The following GALNT5 variants were observed in gnomAD, a reference collection of about 807,000 sequenced individuals.
The protein encoded by GALNT5 is polypeptide N-acetylgalactosaminyltransferase 5, also known as UDP-GalNAc:polypeptide N-acetylgalactosaminyltransferase 5.
GALNT5 carries 72 observed loss-of-function variants against 85.4 expected under a neutral mutation model. That is an observed-to-expected ratio of 0.84 (90% CI 0.70 to 1.03). The LOEUF (loss-of-function observed/expected upper bound fraction) is 1.03. Ranked by LOEUF, GALNT5 falls within the 50% of genes least tolerant of loss-of-function variation. GALNT5 has a pLI of 0.00. For synonymous variants in GALNT5, 404 were observed against 397.0 expected (o/e 1.02, Z -0.21); for missense variants, 1,137 against 1,135.5 (o/e 1.00, Z -0.02).
At chr2:157,262,556 T>C (rs1682366667) in intron 1 of GALNT5, among the ~76,000 whole-genome samples, 1 of 148,394 alleles carries the variant, frequency 6.7e-6, no homozygotes, top group Non-Finnish European at 1.5e-5. Context: ...GAGGATCACT[T>C]GAGCCTGAGC....
At chr2:157,286,201 C>T in intron 3 of GALNT5, 67 bp downstream of exon 3, 6 of 1,338,332 alleles carry the variant, frequency 4.5e-6, no homozygotes, top group Admixed American at 3.6e-5. Flanking sequence ...CTCAAACATA[C>T]AGCAAATGTG....
At chr2:157,298,015 G>C (rs1683253330) in intron 5 of GALNT5, among the ~76,000 whole-genome samples, 2 of 152,084 alleles carry the variant, frequency 1.3e-5, no homozygotes. Flanking sequence ...CTGCTACTTC[G>C]ATTGTTTTAA....
intron 5 of GALNT5, 78 bp downstream of exon 5, chr2:157,296,591 TG>T: frequency 9.5e-7 from 1 of 1,050,422 alleles, no homozygotes; most frequent in Non-Finnish European, 1.4e-6. Context: ...ACAAAACAGC[TG>T]TATCTTGTTA....
chr2:157,258,013 A>T lies in GALNT5; in HGVS notation c.-70A>T. On this transcript the variant is annotated 5_prime_UTR_variant, in exon 1 of 10. Coordinates refer to ENST00000259056, the MANE Select transcript of GALNT5 (RefSeq NM_014568.3). ...TGCTGCTGCTGCTGCTGCTGCTGCT[A>T]CTTCAGCTTCCTCTCCACTCAAGGT... The T allele has an allele frequency of 7.2e-7, 1 of 1,392,566 alleles. No individual in the cohort carries two copies. Among genetic ancestry groups the T allele is most frequent in the Non-Finnish European group, 9.8e-7 (1 of 1,018,558 alleles). 86.3% of individuals were successfully genotyped at this position (1,392,566 alleles called of 1,614,324 possible).
chr2:157,290,201 C>T (rs187644455), intron 3 of GALNT5, among the ~76,000 whole-genome samples: 41 of 151,286 alleles, frequency 2.7e-4, no homozygotes, highest in African/African-American at 7.5e-4. Flanking sequence ...ATAAATTTGA[C>T]AAATTGCTAT....
chr2:157,296,653 AAC>A (rs1453998951), intron 5 of GALNT5, 140 bp downstream of exon 5: 1 of 648,610 alleles, frequency 1.5e-6, no homozygotes. Context: ...TACCAAAGCA[AAC>A]ACAGTGTTCT....
chr2:157,278,748 A>T (rs533077818), intron 1 of GALNT5, among the ~76,000 whole-genome samples: 2 of 152,068 alleles, frequency 1.3e-5, no homozygotes, highest in African/African-American at 4.8e-5. Flanking sequence ...CTTCCTTTTG[A>T]TGGGTTTAAA....
chr2:157,315,869 A>G lies in GALNT5; in HGVS notation c.*4521A>G, dbSNP rs1683690852. Among the ~76,000 whole-genome samples, 1 of 152,168 alleles carries G rather than the reference A, an allele frequency of 6.6e-6. No individual in the cohort carries two copies. The highest frequency in any genetic ancestry group is 1.5e-5 in the Non-Finnish European group (1 of 68,042). Reference sequence around the variant, plus strand: ...TAGGAGTGGAAAGTTTAATAGATAAAGAAGAGAGTGAGAAAGCTTCCTCAT... The same window carrying G: ...TAGGAGTGGAAAGTTTAATAGATAAGGAAGAGAGTGAGAAAGCTTCCTCAT... On this transcript the variant is annotated 3_prime_UTR_variant, in exon 10 of 10. Transcript: ENST00000259056.
intron 1 of GALNT5, among the ~76,000 whole-genome samples, chr2:157,276,432 C>T (rs187879943): frequency 4.6e-5 from 7 of 152,186 alleles, no homozygotes; most frequent in Admixed American, 4.6e-4. Flanking sequence ...TGGTAGAATT[C>T]GGCTGTGAAT....
intron 1 of GALNT5, among the ~76,000 whole-genome samples, chr2:157,282,019 C>A (rs1259516224): frequency 6.6e-6 from 1 of 152,160 alleles, no homozygotes; most frequent in African/African-American, 2.4e-5. Flanking sequence ...TGATAAAGCT[C>A]TTAAGTGAAG....
intron 1 of GALNT5, among the ~76,000 whole-genome samples, chr2:157,262,223 AAAG>A (rs1682357194): frequency 6.6e-6 from 1 of 151,780 alleles, no homozygotes; most frequent in Admixed American, 6.6e-5. Context: ...AAAAAAAAAA[AAAG>A]CGCACAGATT....
intron 1 of GALNT5, among the ~76,000 whole-genome samples, chr2:157,263,787 T>A (rs1682400414): frequency 6.6e-6 from 1 of 152,194 alleles, no homozygotes; most frequent in Non-Finnish European, 1.5e-5. Context: ...TATAAATTAA[T>A]AATGACTTCT....
Position 157,258,189 on chromosome 2 carries a change from C to G in GALNT5, c.107C>G (p.Ser36Ter), listed in dbSNP as rs752478927. ...LLFDMAALRLSFSEINTRVIK... is the reference protein window; with the variant it reads ...LLFDMAALRL ...TTTGACATGGCAGCTCTCCGCCTCT[C>G]ATTCAGTGAGATCAACACTCGGGTC... Residue 36 changes from serine (S) to a stop codon, truncating the protein, a stop_gained, in exon 1 of 10, where the codon TCA becomes TGA. Coordinates refer to ENST00000259056, the MANE Select transcript of GALNT5 (RefSeq NM_014568.3). LOFTEE classifies it high-confidence loss of function. 1.2e-6 allele frequency: 2 copies of G among 1,613,790 alleles called. No homozygotes were observed. Among genetic ancestry groups the G allele is most frequent in the Non-Finnish European group, 1.7e-6 (2 of 1,179,948 alleles).
In GALNT5 at chr2:157,259,066, G is replaced by A; in HGVS notation, c.984G>A (p.Glu328=). 1 of 1,472,440 alleles carries A rather than the reference G, an allele frequency of 6.8e-7. No individual in the cohort carries two copies. 91.2% of individuals were successfully genotyped at this position (1,472,440 alleles called of 1,614,324 possible). ...SESHLVIITK[E]EEQKADPKEV... ...GCCATCTTGTGATTATAACCAAAGA[G>A]GAAGAGCAAAAGGCAGACCCCAAAG... The change falls in exon 1 of 10, where the codon GAG becomes GAA. Residue 328 remains glutamate, a synonymous_variant. Transcript: ENST00000259056.
Position 157,317,485 on chromosome 2 carries a change from A to C in GALNT5, c.*6137A>C, listed in dbSNP as rs1683740862. On this transcript the variant is annotated 3_prime_UTR_variant, in exon 10 of 10. Transcript: ENST00000259056. ...CAACTACCCCAAATTTGCTAGTTTTATACATATTAGCTTAAAAACAAGAGA... is the reference window on the plus strand; with the variant it reads ...CAACTACCCCAAATTTGCTAGTTTTCTACATATTAGCTTAAAAACAAGAGA... 6.6e-6 allele frequency among the ~76,000 whole-genome samples: 1 copy of C among 152,062 alleles called. No individual in the cohort carries two copies. The highest frequency in any genetic ancestry group is 2.4e-5 in the African/African-American group (1 of 41,428).
At position 157,300,945 on chromosome 2, in the gene GALNT5, C is replaced by G; in HGVS notation, c.2385C>G (p.Tyr795Ter). ...TGAAGTGCAAAAGTTTCAAATGGTA[C>G]TTGGAGAATGTCTTTCCTGACTTAA... ...KKLKCKSFKW[Y>*]LENVFPDLRA... Residue 795 changes from tyrosine (Y) to a stop codon, truncating the protein, a stop_gained, in exon 7 of 10, where the codon TAC (tyrosine) becomes TAG (stop). Coordinates refer to ENST00000259056, the MANE Select transcript of GALNT5 (RefSeq NM_014568.3). LOFTEE classifies it high-confidence loss of function. 1.2e-6 allele frequency: 2 copies of G among 1,614,086 alleles called. No individual in the cohort carries two copies. Among genetic ancestry groups the G allele is most frequent in the Non-Finnish European group, 1.7e-6 (2 of 1,179,958 alleles).
At chr2:157,310,275 G>T (rs575658828) in intron 9 of GALNT5, among the ~76,000 whole-genome samples, 1 of 152,304 alleles carries the variant, frequency 6.6e-6, no homozygotes, top group African/African-American at 2.4e-5. Context: ...TCCTGGAGAT[G>T]AATAGCTTGG....
chr2:157,282,802 T>C (rs1682884818), intron 1 of GALNT5, among the ~76,000 whole-genome samples: 1 of 152,146 alleles, frequency 6.6e-6, no homozygotes, highest in African/African-American at 2.4e-5. Context: ...TCTAGGTGGA[T>C]GATGTGGGTA....
At chr2:157,273,631 T>C (rs1334928749) in intron 1 of GALNT5, among the ~76,000 whole-genome samples, 1 of 89,498 alleles carries the variant, frequency 1.1e-5, no homozygotes, top group South Asian at 3.7e-4. Flanking sequence ...TATTTCTTGC[T>C]TTTTTTTTTT....
Sources: gnomAD v4.1 joint callset for allele counts (sites outside exome capture counted in the v4.1 genomes callset) on GRCh38, gnomAD v4.1.1 for gene constraint, MANE v1.5 for transcripts, NCBI Gene and HGNC (gene_info 2026-07-23, HGNC 2026-07-21) for gene names.